The following ELP4 variants were observed in gnomAD, a reference collection of about 807,000 sequenced individuals.
ELP4 encodes the protein elongator acetyltransferase complex subunit 4.
ELP4 carries 51 observed loss-of-function variants against 48.9 expected under a neutral mutation model. The ratio of observed to expected loss-of-function variants is 1.04; its 90% CI spans 0.83 to 1.32. ELP4 has a LOEUF of 1.32. Among genes scored for constraint, ELP4 ranks in the 40% most tolerant of loss-of-function variants. ELP4 has a pLI of 0.00. For synonymous variants in ELP4, 210 were observed against 189.2 expected (o/e 1.11, Z -0.90); for missense variants, 519 against 514.6 (o/e 1.01, Z -0.08).
chr11:31,774,345 C>T (rs747682939), intron 9 of ELP4, among the ~76,000 whole-genome samples: 19 of 152,162 alleles, frequency 1.2e-4, no homozygotes, highest in Non-Finnish European at 1.5e-4. Flanking sequence ...AGCCACTTAA[C>T]GAAGGTATTT....
chr11:31,532,087 T>A (rs991206228), intron 2 of ELP4, among the ~76,000 whole-genome samples: 5 of 152,180 alleles, frequency 3.3e-5, no homozygotes, highest in Admixed American at 6.5e-5. Context: ...CACAGTCTTA[T>A]GAGGTAGGTA....
intron 1 of ELP4, among the ~76,000 whole-genome samples, chr11:31,517,881 G>A (rs1436450629): frequency 6.6e-6 from 1 of 152,056 alleles, no homozygotes; most frequent in Non-Finnish European, 1.5e-5. Context: ...GCCTCCCAAA[G>A]TGCTGGGATT....
chr11:31,685,036 C>T (rs1190448274), intron 9 of ELP4, among the ~76,000 whole-genome samples: 4 of 152,092 alleles, frequency 2.6e-5, no homozygotes, highest in Non-Finnish European at 1.5e-5. Context: ...AAAAGTTTTG[C>T]AGAAAGAAAG....
At chr11:31,683,740 A>G (rs1432401565) in intron 9 of ELP4, among the ~76,000 whole-genome samples, 6 of 152,242 alleles carry the variant, frequency 3.9e-5, no homozygotes, top group Non-Finnish European at 8.8e-5. Context: ...AGAATTCACA[A>G]TTTAATAATT....
chr11:31,603,725 A>C, intron 4 of ELP4, 43 bp from the exon 5 acceptor site: 1 of 1,575,894 alleles, frequency 6.3e-7, no homozygotes, highest in African/African-American at 1.4e-5. Flanking sequence ...ATTATAGCTT[A>C]AAAATAATTG....
intron 9 of ELP4, among the ~76,000 whole-genome samples, chr11:31,702,498 A>C (rs1256239165): frequency 6.6e-6 from 1 of 152,114 alleles, no homozygotes; most frequent in East Asian, 1.9e-4. Context: ...TTAAATGTAC[A>C]GTTCAGTACT....
At chr11:31,782,663 T>G (rs1249787153) in intron 9 of ELP4, among the ~76,000 whole-genome samples, 2 of 152,122 alleles carry the variant, frequency 1.3e-5, no homozygotes, top group African/African-American at 4.8e-5. Flanking sequence ...AGCCTGTATC[T>G]GCAGAAAAAC....
intron 3 of ELP4, among the ~76,000 whole-genome samples, chr11:31,540,112 C>G (rs1052569867): frequency 2.6e-5 from 4 of 152,166 alleles, no homozygotes; most frequent in Non-Finnish European, 5.9e-5. Flanking sequence ...GTTTACACTT[C>G]TTATTGAAGA....
chr11:31,645,716 G>A (rs998984502), intron 7 of ELP4: 11 of 151,688 alleles, frequency 7.3e-5, no homozygotes, highest in Non-Finnish European at 1.5e-5. Flanking sequence ...TTGTTCATCT[G>A]AGGGTCCATG....
chr11:31,740,791 G>A (rs559090253), intron 9 of ELP4, among the ~76,000 whole-genome samples: 11 of 152,268 alleles, frequency 7.2e-5, no homozygotes, highest in Admixed American at 2.6e-4. Flanking sequence ...GAACAGCTCC[G>A]GTCTACAGCT....
At chr11:31,686,941 A>G (rs1946174437) in intron 9 of ELP4, among the ~76,000 whole-genome samples, 1 of 152,042 alleles carries the variant, frequency 6.6e-6, no homozygotes, top group Non-Finnish European at 1.5e-5. Flanking sequence ...TGACAAGACT[A>G]GAGGCCAAGA....
At chr11:31,522,370 C>T (rs1041288507) in intron 2 of ELP4, among the ~76,000 whole-genome samples, 1 of 152,174 alleles carries the variant, frequency 6.6e-6, no homozygotes, top group Non-Finnish European at 1.5e-5. Flanking sequence ...GGGTATTCCA[C>T]CCAAATATTG....
chr11:31,699,280 G>A (rs1006122993), intron 9 of ELP4, among the ~76,000 whole-genome samples: 5 of 152,102 alleles, frequency 3.3e-5, no homozygotes, highest in African/African-American at 9.7e-5. Flanking sequence ...ATTTGTGCCA[G>A]AAAGTAAGGA....
chr11:31,682,043 G>C, intron 9 of ELP4: 1 of 1,292,364 alleles, frequency 7.7e-7, no homozygotes, highest in East Asian at 6.1e-5. Flanking sequence ...GCCCGGCCTA[G>C]GGCTTTGTAT....
intron 3 of ELP4, among the ~76,000 whole-genome samples, chr11:31,583,873 G>A (rs1411544556): frequency 6.6e-6 from 1 of 152,062 alleles, no homozygotes; most frequent in African/African-American, 2.4e-5. Flanking sequence ...AACTACTTTC[G>A]ACTATTAAGC....
At chr11:31,769,551 G>T (rs10835817) in intron 9 of ELP4, among the ~76,000 whole-genome samples, 1 of 151,948 alleles carries the variant, frequency 6.6e-6, no homozygotes, top group Non-Finnish European at 1.5e-5. Context: ...TCTCTATTCC[G>T]TAAGCTGTGT....
chr11:31,705,830 A>G (rs1025117351), intron 9 of ELP4, among the ~76,000 whole-genome samples: 1 of 150,220 alleles, frequency 6.7e-6, no homozygotes, highest in African/African-American at 2.5e-5. Flanking sequence ...CTATACATAC[A>G]ATACATAATT....
intron 9 of ELP4, among the ~76,000 whole-genome samples, chr11:31,696,426 C>T (rs1217942229): frequency 6.6e-6 from 1 of 152,086 alleles, no homozygotes; most frequent in Non-Finnish European, 1.5e-5. Context: ...TTGTTATATA[C>T]CCAGTAGTCA....
At chr11:31,536,326 G>T (rs933211665) in intron 2 of ELP4, among the ~76,000 whole-genome samples, 3 of 152,018 alleles carry the variant, frequency 2.0e-5, no homozygotes, top group African/African-American at 7.2e-5. Flanking sequence ...AACTTTTTTG[G>T]AAACTGCCAA....
Sources: allele counts gnomAD v4.1 joint callset (sites outside exome capture counted in the v4.1 genomes callset), GRCh38; gene constraint gnomAD v4.1.1; transcripts MANE v1.5; gene names NCBI Gene and HGNC (gene_info 2026-07-23, HGNC 2026-07-21).